RALGAPA1: variants seen among roughly 807,000 people sequenced by gnomAD.
RALGAPA1 encodes Ral GTPase activating protein catalytic subunit alpha 1.
A neutral mutation model predicts 269.6 loss-of-function variants in RALGAPA1; 52 were observed. The observed-to-expected ratio is 0.19, with a 90% confidence interval of 0.15 to 0.24. The LOEUF (loss-of-function observed/expected upper bound fraction) is 0.24. Ranked by LOEUF, RALGAPA1 falls within the 10% of genes least tolerant of loss-of-function variation. RALGAPA1 has a pLI of 1.00. For missense variants in RALGAPA1, 1,917 were observed against 3,013.9 expected, an observed-to-expected ratio of 0.64 and a Z score of 8.52; for synonymous variants, 817 against 1,008.3, an observed-to-expected ratio of 0.81 and a Z score of 3.60.
chr14:35,661,317 CAATG>C (rs545095981), intron 27 of RALGAPA1, among the ~76,000 whole-genome samples: 306 of 152,006 alleles, frequency 2.0e-3, no homozygotes, highest in Non-Finnish European at 3.6e-3. Flanking sequence ...TAAAATATGA[CAATG>C]AATTTTGAAA....
rs147984978 is a variant in RALGAPA1 at position 35,567,824 on chromosome 14, T to C, written c.7496+2793A>G. On this transcript the variant is annotated intron_variant, in intron 39 of 41. Coordinates refer to ENST00000680220, the MANE Select transcript of RALGAPA1 (RefSeq NM_001346249.2). ...GCAAATAGAGTTTTGCATTACAATC[T>C]AATTGATCTCACCACTTTCCAAAAA... is the stretch of plus-strand genomic sequence containing the variant. Among the ~76,000 whole-genome samples the C allele has an allele frequency of 7.9e-5, 12 of 152,280 alleles. No homozygotes were observed. The South Asian group carries it at 1.2e-3, about 16-fold the overall frequency.
intron 1 of RALGAPA1, among the ~76,000 whole-genome samples, chr14:35,802,763 C>G (rs1197478356): frequency 6.6e-6 from 1 of 151,634 alleles, no homozygotes; most frequent in African/African-American, 2.4e-5. Flanking sequence ...CTCATTGCAA[C>G]CTCGACCTCC....
intron 7 of RALGAPA1, 59 bp from the exon 8 acceptor site, chr14:35,752,221 T>C (rs945123286): frequency 3.8e-5 from 53 of 1,409,342 alleles, no homozygotes; most frequent in Non-Finnish European, 4.8e-5. Flanking sequence ...TAAATGCAAG[T>C]ATTAGCAATT....
At position 35,627,240 on chromosome 14, in the gene RALGAPA1, G is replaced by C. The variant is rs143682254; in HGVS notation, c.6707C>G (p.Thr2236Arg). The change falls in exon 34 of 42, where the codon ACA becomes AGA. Residue 2236 changes from threonine (T) to arginine (R), a missense_variant. By Grantham distance (71) the Thr-to-Arg change is moderately conservative (BLOSUM62 -1). Transcript: ENST00000680220. ...DVINAILKQH[T>R]EEKEFVEKHF... is the part of the protein sequence containing the mutation. ...CTTCTCAACAAATTCTTTTTCTTCT[G>C]TATGTTGCTTAAGGATAGCATTAAT... 7 of 1,606,846 alleles carry C rather than the reference G, an allele frequency of 4.4e-6. No individual in the cohort carries two copies. In the African/African-American group the frequency reaches 5.4e-5, roughly 12 times the overall value.
chr14:35,699,812 G>A (rs2067195000), intron 17 of RALGAPA1, among the ~76,000 whole-genome samples: 2 of 148,608 alleles, frequency 1.3e-5, no homozygotes, highest in Non-Finnish European at 3.0e-5. Context: ...ATCTTCCTAA[G>A]TCATCTTTTA....
intron 37 of RALGAPA1, among the ~76,000 whole-genome samples, chr14:35,590,483 G>A (rs1004861776): frequency 9.9e-5 from 15 of 152,128 alleles, no homozygotes; most frequent in Non-Finnish European, 2.9e-5. Flanking sequence ...TCCCTATGCT[G>A]TTCTAGTGGT....
chr14:35,629,726 C>G (rs1341198936), intron 33 of RALGAPA1, among the ~76,000 whole-genome samples: 2 of 152,122 alleles, frequency 1.3e-5, no homozygotes, highest in Admixed American at 1.3e-4. Context: ...GTCTTGAACT[C>G]TTGACCTTGT....
chr14:35,699,084 T>C (rs552051028), intron 17 of RALGAPA1, among the ~76,000 whole-genome samples: 2 of 152,324 alleles, frequency 1.3e-5, no homozygotes, highest in African/African-American at 4.8e-5. Context: ...ATATTAAGGT[T>C]TGAATTGAGG....
chr14:35,717,657 T>A (rs1274234746), intron 16 of RALGAPA1, among the ~76,000 whole-genome samples: 1 of 152,000 alleles, frequency 6.6e-6, no homozygotes, highest in Non-Finnish European at 1.5e-5. Flanking sequence ...TTCAAGCAAA[T>A]CTTGTACCTC....
At chr14:35,767,075 G>GA in intron 4 of RALGAPA1, 1 of 319,298 alleles carries the variant, frequency 3.1e-6, no homozygotes. Flanking sequence ...ATCAATCCTT[G>GA]AAAATGAAAA....
intron 1 of RALGAPA1, among the ~76,000 whole-genome samples, chr14:35,801,354 T>G (rs2076968317): frequency 6.6e-6 from 1 of 152,002 alleles, no homozygotes; most frequent in Admixed American, 6.6e-5. Context: ...CTGCAACCTC[T>G]GCCTCCTGGG....
intron 31 of RALGAPA1, among the ~76,000 whole-genome samples, chr14:35,644,288 C>T (rs2062233506): frequency 6.6e-6 from 1 of 152,084 alleles, no homozygotes; most frequent in South Asian, 2.1e-4. Context: ...ACTATCTAGG[C>T]TATGTGTAAC....
chr14:35,764,869 AT>A, intron 4 of RALGAPA1, among the ~76,000 whole-genome samples: 1 of 152,064 alleles, frequency 6.6e-6, no homozygotes, highest in East Asian at 1.9e-4. Context: ...AATATAATCA[AT>A]TTGCCAGTGT....
chr14:35,762,845 T>A (rs1595468446), intron 4 of RALGAPA1, 92 bp from the exon 5 acceptor site: 5 of 757,954 alleles, frequency 6.6e-6, no homozygotes, highest in African/African-American at 1.8e-5. Flanking sequence ...TTTAAATAAG[T>A]CCTTGGCAAC....
chr14:35,548,303 C>T (rs2054638854), intron 41 of RALGAPA1, among the ~76,000 whole-genome samples: 1 of 151,982 alleles, frequency 6.6e-6, no homozygotes, highest in Non-Finnish European at 1.5e-5. Flanking sequence ...TATTTTTATC[C>T]CCAAACCATG....
chr14:35,780,885 A>G (rs2141629072), intron 1 of RALGAPA1, among the ~76,000 whole-genome samples: 1 of 152,342 alleles, frequency 6.6e-6, no homozygotes, highest in East Asian at 1.9e-4. Flanking sequence ...TGAGCCCAGC[A>G]GTTTACAACC....
rs572237976 is a variant in RALGAPA1 at position 35,674,219 on chromosome 14, T to G, written c.4878A>C (p.Leu1626Phe). ...GTGTAAGAATTCTCAGTGGAGGAAT[T>G]AAAACTGGTGGAGAAGGGGAGGTCA... Reference protein sequence around the residue: ...DNLTSPSPPVLIPPLRILTPW... With the variant: ...DNLTSPSPPVFIPPLRILTPW... The change falls in exon 24 of 42, where the codon TTA becomes TTC. Residue 1626 changes from leucine to phenylalanine, a missense_variant. Physicochemically the swap from Leu to Phe is conservative, Grantham distance 22. Transcript: ENST00000680220. The G allele has an allele frequency of 2.4e-5, 39 of 1,612,206 alleles. 1 individual carries two copies. The South Asian group carries it at 3.7e-4, about 15-fold the overall frequency.
At chr14:35,766,085 A>T in intron 4 of RALGAPA1, 1 of 1,161,606 alleles carries the variant, frequency 8.6e-7, no homozygotes, top group Non-Finnish European at 1.3e-6. Flanking sequence ...CGGCATTCAC[A>T]TGCTATGCGG....
At chr14:35,760,787 A>C in intron 6 of RALGAPA1, 42 bp downstream of exon 6, 3 of 1,470,092 alleles carry the variant, frequency 2.0e-6, no homozygotes, top group Non-Finnish European at 2.8e-6. Context: ...GACTACATAG[A>C]GAGCTTAAAC....
Sources: allele counts gnomAD v4.1 joint callset (sites outside exome capture counted in the v4.1 genomes callset), GRCh38; gene constraint gnomAD v4.1.1; transcripts MANE v1.5; gene names NCBI Gene and HGNC (gene_info 2026-07-23, HGNC 2026-07-21).